The following RBFOX1 variants were observed in gnomAD, a reference collection of about 807,000 sequenced individuals.
RBFOX1 encodes the protein RNA binding protein fox-1 homolog 1.
In RBFOX1, 8 loss-of-function variants were observed where a neutral mutation model predicts 57.7. That is an observed-to-expected ratio of 0.14 (90% CI 0.08 to 0.25). The LOEUF (loss-of-function observed/expected upper bound fraction) is 0.25, where lower values mean the gene tolerates loss of function less well. Among genes scored for constraint, RBFOX1 ranks in the 10% least tolerant of loss-of-function variants. RBFOX1 has a pLI of 1.00. For missense variants in RBFOX1, 611 were observed against 548.5 expected (o/e 1.11, Z -1.14); for synonymous variants, 326 against 222.4 (o/e 1.47, Z -4.15).
chr16:6,924,270 A>C (rs1018031631), intron 3 of RBFOX1, among the ~76,000 whole-genome samples: 1 of 152,138 alleles, frequency 6.6e-6, no homozygotes, highest in Non-Finnish European at 1.5e-5. Context: ...CTGGCTGTGC[A>C]GTTATGGCTC....
intron 3 of RBFOX1, among the ~76,000 whole-genome samples, chr16:6,946,736 G>A (rs1568018820): frequency 6.6e-6 from 1 of 151,926 alleles, no homozygotes; most frequent in Non-Finnish European, 1.5e-5. Flanking sequence ...CCAAATAGCT[G>A]GGACTACAGA....
chr16:5,703,164 A>G (rs899481184), intron 3 of RBFOX1, among the ~76,000 whole-genome samples: 3 of 152,228 alleles, frequency 2.0e-5, no homozygotes, highest in Non-Finnish European at 4.4e-5. Flanking sequence ...ATGATCCTGT[A>G]TAATTGCAAC....
At chr16:6,662,371 G>C (rs940190627) in intron 3 of RBFOX1, among the ~76,000 whole-genome samples, 4 of 152,090 alleles carry the variant, frequency 2.6e-5, no homozygotes, top group Non-Finnish European at 5.9e-5. Context: ...GTATCAAAAG[G>C]TCACATTGTA....
In RBFOX1 at chr16:6,999,174, A is replaced by ATTTTT. The variant is rs1438028505; in HGVS notation, c.-15-52879_-15-52878insTTTTT. On this transcript the variant is annotated intron_variant, in intron 3 of 15. Transcript: ENST00000550418. ...GTGAGCCACTGAGCCTGGCCTTTTT[A>ATTTTT]TTTTATTTTATTTTATTTTATTTTA... Among the ~76,000 whole-genome samples the ATTTTT allele has an allele frequency of 6.7e-5, 6 of 89,234 alleles. No individual in the cohort carries two copies. The East Asian group carries it at 1.7e-3, about 26-fold the overall frequency. The allele number at this position is 89,234 out of a possible 152,430, so 58.5% of individuals were successfully genotyped here. A position where few individuals can be genotyped will look rare whatever the true frequency, so the allele number is the denominator to read the frequency against.
intron 3 of RBFOX1, among the ~76,000 whole-genome samples, chr16:6,993,180 A>G (rs998870334): frequency 1.3e-5 from 2 of 152,122 alleles, no homozygotes. Context: ...CTTGTCAAAT[A>G]AAATCATTTG....
chr16:7,341,266 G>A (rs2096885430), intron 4 of RBFOX1, among the ~76,000 whole-genome samples: 1 of 152,122 alleles, frequency 6.6e-6, no homozygotes, highest in South Asian at 2.1e-4. Context: ...TTTCCTCTGA[G>A]CAACCGAGAC....
chr16:5,822,397 A>T (rs1464868116), intron 3 of RBFOX1, among the ~76,000 whole-genome samples: 5 of 152,164 alleles, frequency 3.3e-5, no homozygotes, highest in Non-Finnish European at 5.9e-5. Context: ...TACTCATGTA[A>T]CCAAATACCA....
chr16:6,837,508 T>G (rs748740928), intron 3 of RBFOX1, among the ~76,000 whole-genome samples: 5 of 152,202 alleles, frequency 3.3e-5, no homozygotes, highest in Non-Finnish European at 7.3e-5. Context: ...CCATGTCCTA[T>G]GCAGTACCGG....
chr16:6,348,630 A>G (rs2085773129), intron 2 of RBFOX1, among the ~76,000 whole-genome samples: 1 of 152,158 alleles, frequency 6.6e-6, no homozygotes, highest in Non-Finnish European at 1.5e-5. Flanking sequence ...TTTACTCATG[A>G]CGGAAGGCAA....
intron 5 of RBFOX1, among the ~76,000 whole-genome samples, chr16:7,544,961 G>A (rs966035850): frequency 2.0e-5 from 3 of 152,208 alleles, no homozygotes; most frequent in East Asian, 1.9e-4. Flanking sequence ...GTTACGATGT[G>A]TGAACGGAAT....
intron 4 of RBFOX1, among the ~76,000 whole-genome samples, chr16:7,226,125 C>G (rs1163197555): frequency 6.6e-6 from 1 of 152,076 alleles, no homozygotes; most frequent in Middle Eastern, 3.4e-3. Flanking sequence ...TTTGTCTTGA[C>G]CAGGAGAAAA....
At chr16:5,740,159 G>A (rs193079471) in intron 3 of RBFOX1, among the ~76,000 whole-genome samples, 1 of 152,240 alleles carries the variant, frequency 6.6e-6, no homozygotes, top group African/African-American at 2.4e-5. Context: ...TAAACACACG[G>A]GGAGGAGGCT....
chr16:7,012,009 C>T (rs113565730), intron 3 of RBFOX1, among the ~76,000 whole-genome samples: 1 of 152,158 alleles, frequency 6.6e-6, no homozygotes, highest in Admixed American at 6.5e-5. Context: ...TCAATGAGGT[C>T]TAGTCCAGTC....
chr16:5,394,757 C>T (rs541981128), intron 1 of RBFOX1, among the ~76,000 whole-genome samples: 5 of 152,200 alleles, frequency 3.3e-5, no homozygotes, highest in African/African-American at 4.8e-5. Context: ...CCATGTTGTC[C>T]AGGCTGGTCT....
chr16:5,761,776 A>G lies in RBFOX1; in HGVS notation c.319-105527A>G, dbSNP rs532687681. 6.2e-4 allele frequency among the ~76,000 whole-genome samples: 95 copies of G among 152,296 alleles called. 2 individuals carry two copies. The East Asian group carries it at 0.018, about 29-fold the overall frequency. On this transcript the variant is annotated intron_variant, in intron 3 of 19. Transcript: ENST00000641259. ...TCAGGCTCTTTGGCTAAATGGGTAA[A>G]GAATAAGCTGAGATGGCACATTCTC...
rs181593992 is a variant in RBFOX1, at chr16:5,982,070, C to T, written c.351+114735C>T. 9.6e-4 allele frequency among the ~76,000 whole-genome samples: 146 copies of T among 152,278 alleles called. 1 individual carries two copies. Among genetic ancestry groups the T allele is most frequent in the Non-Finnish European group, 1.8e-3 (124 of 68,028 alleles). On this transcript the variant is annotated intron_variant, in intron 4 of 19. Coordinates refer to the RBFOX1 transcript ENST00000641259. ...CCAGGACACATCTCTGCTCCAGATC[C>T]AGCAGTTGCCATCTCATGGGGCACA...
chr16:7,016,341 G>C (rs749709960), intron 3 of RBFOX1, among the ~76,000 whole-genome samples: 1 of 152,144 alleles, frequency 6.6e-6, no homozygotes, highest in African/African-American at 2.4e-5. Context: ...TGGTGTCATG[G>C]TATAAACTAG....
At chr16:5,755,548 C>T (rs978458921) in intron 3 of RBFOX1, among the ~76,000 whole-genome samples, 2 of 152,210 alleles carry the variant, frequency 1.3e-5, no homozygotes, top group Non-Finnish European at 1.5e-5. Flanking sequence ...AAGACGACCA[C>T]TTCCCCATGG....
At chr16:7,511,505 G>A (rs945133054) in intron 4 of RBFOX1, among the ~76,000 whole-genome samples, 6 of 152,114 alleles carry the variant, frequency 3.9e-5, no homozygotes, top group African/African-American at 1.4e-4. Context: ...CCCTCTTATT[G>A]CATGCATACA....
Sources: gnomAD v4.1 joint callset for allele counts (sites outside exome capture counted in the v4.1 genomes callset) on GRCh38, gnomAD v4.1.1 for gene constraint, MANE v1.5 for transcripts, NCBI Gene and HGNC (gene_info 2026-07-23, HGNC 2026-07-21) for gene names.